DIAPH2: variants seen among roughly 807,000 people sequenced by gnomAD.
DIAPH2 encodes protein diaphanous homolog 2.
A neutral mutation model predicts 92.7 loss-of-function variants in DIAPH2; 35 were observed. That is an observed-to-expected ratio of 0.38 (90% CI 0.29 to 0.50). DIAPH2 has a LOEUF of 0.50. Among genes scored for constraint, DIAPH2 ranks in the 20% least tolerant of loss-of-function variants. The pLI, the probability that DIAPH2 is intolerant of heterozygous loss-of-function variation, is 0.94. For missense variants in DIAPH2, 701 were observed against 819.5 expected (o/e 0.86, Z 1.77); for synonymous variants, 301 against 280.4 (o/e 1.07, Z -0.73).
At chrX:96,895,185 C>T (rs829304) in intron 5 of DIAPH2, among the ~76,000 whole-genome samples, 41,703 of 107,865 alleles carry the variant, frequency 0.39, 7,091 homozygotes, top group South Asian at 0.53. Context: ...TTCTATTTTT[C>T]GTAGAGATGG....
intron 3 of DIAPH2, among the ~76,000 whole-genome samples, chrX:96,739,506 G>A (rs1017898223): frequency 1.1e-4 from 12 of 111,300 alleles, no homozygotes; most frequent in Non-Finnish European, 1.9e-4. Flanking sequence ...TTCAAAGGTC[G>A]CCTTACACCA....
At chrX:97,217,141 T>C (rs761574091) in intron 22 of DIAPH2, among the ~76,000 whole-genome samples, 1 of 111,847 alleles carries the variant, frequency 8.9e-6, no homozygotes, top group South Asian at 3.8e-4. Context: ...CAAGTTGCAA[T>C]AAAAAGAGCT....
chrX:97,343,421 C>A (rs2147683180), intron 23 of DIAPH2, among the ~76,000 whole-genome samples: 1 of 111,932 alleles, frequency 8.9e-6, no homozygotes. Context: ...GTAATCCCAG[C>A]ACGTTGGGTG....
chrX:97,584,355 C>T (rs979453596), intron 26 of DIAPH2, among the ~76,000 whole-genome samples: 2 of 111,759 alleles, frequency 1.8e-5, no homozygotes, highest in African/African-American at 3.3e-5. Flanking sequence ...CCCCAGTAAT[C>T]GACTTAGACT....
chrX:96,916,417 G>GTTTTTTTTTTTTTTTTTTTTTTTT (rs56682273), intron 7 of DIAPH2, 21 bp from the exon 8 acceptor site: 1 of 650,351 alleles, frequency 1.5e-6, no homozygotes. Flanking sequence ...CTGAATGAAG[G>GTTTTTTTTTTTTTTTTTTTTTTTT]TTTTTTTTTT....
intron 4 of DIAPH2, among the ~76,000 whole-genome samples, chrX:96,828,921 T>G (rs1483143748): frequency 1.8e-5 from 2 of 111,659 alleles, no homozygotes; most frequent in African/African-American, 6.5e-5. Flanking sequence ...CTTATACTTT[T>G]AAAATGCCAC....
intron 26 of DIAPH2, among the ~76,000 whole-genome samples, chrX:97,531,753 G>A (rs1043055004): frequency 2.7e-5 from 3 of 111,827 alleles, no homozygotes; most frequent in Non-Finnish European, 3.8e-5. Context: ...CAATTTATTA[G>A]TCCATCACCA....
chrX:97,568,755 C>T (rs754422410), intron 26 of DIAPH2, among the ~76,000 whole-genome samples: 1 of 111,849 alleles, frequency 8.9e-6, no homozygotes, highest in Non-Finnish European at 1.9e-5. Context: ...TATGCAAAAA[C>T]ATTTATCTCC....
intron 26 of DIAPH2, among the ~76,000 whole-genome samples, chrX:97,483,018 T>C (rs2070662157): frequency 9.0e-6 from 1 of 110,724 alleles, no homozygotes; most frequent in Admixed American, 9.7e-5. Context: ...ACCAAGACAA[T>C]GAGAGGACAT....
chrX:97,597,183 G>A lies in DIAPH2; in HGVS notation c.3242-2070G>A, dbSNP rs777671586. 2.7e-5 allele frequency among the ~76,000 whole-genome samples: 3 copies of A among 111,631 alleles called. No individual in the cohort carries two copies. In the East Asian group the frequency reaches 8.3e-4, roughly 31 times the overall value. ...ATCCAGAGAGGTGTGGGAGGTGGAG[G>A]CAAAGAAGGAAAGGAGAAAGGAATA... On this transcript the variant is annotated intron_variant, in intron 26 of 26. Coordinates refer to ENST00000324765, the MANE Select transcript of DIAPH2 (RefSeq NM_006729.5).
rs540684348 is a variant in DIAPH2 at position 97,254,227 on chromosome X, C to T, written c.2844+6388C>T. ...GGACTCAAGGCTGGGCGCGGTGGCT[C>T]ACGCCTGTAATCCCAGCACTTTGGG... is the stretch of plus-strand genomic sequence containing the variant. On this transcript the variant is annotated intron_variant, in intron 23 of 26. Transcript: ENST00000324765. Among the ~76,000 whole-genome samples, 5 of 111,635 alleles carry T rather than the reference C, an allele frequency of 4.5e-5. No individual in the cohort carries two copies. The South Asian group carries it at 1.9e-3, about 43-fold the overall frequency.
chrX:96,845,610 C>T (rs781531223), intron 4 of DIAPH2, among the ~76,000 whole-genome samples: 4 of 111,929 alleles, frequency 3.6e-5, no homozygotes, highest in Non-Finnish European at 7.5e-5. Context: ...GCAGGAAACT[C>T]CATTTACAAT....
chrX:96,813,796 T>C (rs1020987570), intron 4 of DIAPH2, among the ~76,000 whole-genome samples: 3 of 111,969 alleles, frequency 2.7e-5, no homozygotes, highest in African/African-American at 9.8e-5. Flanking sequence ...TTAGTTCGGC[T>C]GGATATGAAA....
chrX:96,773,433 C>CAG (rs1195166959), intron 4 of DIAPH2, among the ~76,000 whole-genome samples: 2 of 110,771 alleles, frequency 1.8e-5, no homozygotes, highest in African/African-American at 6.6e-5. Flanking sequence ...GGGTTGTGTG[C>CAG]AGACACAGAG....
At chrX:97,068,332 T>A (rs2066646718) in intron 17 of DIAPH2, among the ~76,000 whole-genome samples, 2 of 111,695 alleles carry the variant, frequency 1.8e-5, no homozygotes, top group African/African-American at 6.5e-5. Context: ...GTAATAAAAA[T>A]TTGATTTTTG....
At chrX:97,218,848 TTTA>T (rs200901339) in intron 22 of DIAPH2, among the ~76,000 whole-genome samples, 1,361 of 112,364 alleles carry the variant, frequency 0.012, 29 homozygotes, top group African/African-American at 0.042. Flanking sequence ...TGTATTATTT[TTTA>T]TTGTTTTGTT....
At chrX:97,069,423 TA>T (rs1252667311) in intron 17 of DIAPH2, among the ~76,000 whole-genome samples, 4 of 111,639 alleles carry the variant, frequency 3.6e-5, no homozygotes, top group Non-Finnish European at 7.5e-5. Context: ...TCATCTAAGC[TA>T]TATTTTGTGG....
chrX:97,248,816 G>T (rs934361422), intron 23 of DIAPH2, among the ~76,000 whole-genome samples: 3 of 111,375 alleles, frequency 2.7e-5, no homozygotes, highest in African/African-American at 9.8e-5. Flanking sequence ...TGCTGAACTC[G>T]AATTACTTAA....
chrX:97,129,900 C>A (rs2067126863), intron 21 of DIAPH2, among the ~76,000 whole-genome samples: 1 of 111,210 alleles, frequency 9.0e-6, no homozygotes, highest in Non-Finnish European at 1.9e-5. Flanking sequence ...TAAAGAACTC[C>A]CACAACTCAA....
Sources: gnomAD v4.1 joint callset for allele counts (sites outside exome capture counted in the v4.1 genomes callset) on GRCh38, gnomAD v4.1.1 for gene constraint, MANE v1.5 for transcripts, NCBI Gene and HGNC (gene_info 2026-07-23, HGNC 2026-07-21) for gene names.